STAB2: variants seen among roughly 807,000 people sequenced by gnomAD.
STAB2 encodes stabilin 2, also known as stabilin-2.
Under a neutral mutation model 338.1 loss-of-function variants are expected in STAB2, and 288 were observed. The observed-to-expected ratio is 0.85, with a 90% CI of 0.77 to 0.94. The LOEUF (loss-of-function observed/expected upper bound fraction) is 0.94. Among genes scored for constraint, STAB2 ranks in the 40% least tolerant of loss-of-function variants. The pLI is 0.00. For synonymous variants in STAB2, 1,202 were observed against 1,193.3 expected (o/e 1.01, Z -0.15); for missense variants, 3,141 against 3,210.1 (o/e 0.98, Z 0.52).
chr12:103,692,680 T>C, intron 30 of STAB2, 132 bp from the exon 31 acceptor site: 1 of 643,426 alleles, frequency 1.6e-6, no homozygotes, highest in Non-Finnish European at 2.7e-6. Context: ...GTTAAAGGTA[T>C]TTCTTACTGT....
intron 3 of STAB2, among the ~76,000 whole-genome samples, chr12:103,604,110 T>C (rs1956992237): frequency 6.6e-6 from 1 of 152,168 alleles, no homozygotes; most frequent in Non-Finnish European, 1.5e-5. Context: ...TTTCTGGAGA[T>C]ACTTTGGAAT....
At position 103,652,558 on chromosome 12, in the gene STAB2, A is replaced by G; in HGVS notation, c.1260A>G (p.Val420=). Residue 420 remains valine, a splice_region_variant and synonymous_variant, in exon 12 of 69, where the codon GTA becomes GTG. Coordinates refer to ENST00000388887, the MANE Select transcript of STAB2 (RefSeq NM_017564.10). ...TAAAATTGGCTCTTCTCTCTTAGGT[A>G]AATGAGCTTTTGGTGGATAATAAAG... ...PTDKGLKGFN[V]NELLVDNKAA... 6.4e-7 allele frequency: 1 copy of G among 1,570,062 alleles called. No homozygotes were observed. The highest frequency in any genetic ancestry group is 1.3e-5 in the South Asian group (1 of 79,784).
At chr12:103,717,704 C>T in intron 43 of STAB2, 66 bp from the exon 44 acceptor site, 2 of 1,416,918 alleles carry the variant, frequency 1.4e-6, no homozygotes, top group Non-Finnish European at 2.0e-6. Context: ...GGTCTGAGAG[C>T]CAGACCATGC....
Position 103,596,668 on chromosome 12 carries a change from C to G in STAB2, c.331+2158C>G, listed in dbSNP as rs991085421. On this transcript the variant is annotated intron_variant, in intron 3 of 68. Coordinates refer to ENST00000388887, the MANE Select transcript of STAB2 (RefSeq NM_017564.10). Reference sequence around the variant, plus strand: ...TGAATAAAATGACACTCCTCTGAACCCTTTTTTAACAGTGGGTAACTCTTA... The same window carrying G: ...TGAATAAAATGACACTCCTCTGAACGCTTTTTTAACAGTGGGTAACTCTTA... Among the ~76,000 whole-genome samples, 10 of 152,234 alleles carry G rather than the reference C, an allele frequency of 6.6e-5. No individual in the cohort carries two copies. The South Asian group carries it at 1.0e-3, about 16-fold the overall frequency.
chr12:103,688,914 C>T (rs1877673824), intron 28 of STAB2, among the ~76,000 whole-genome samples: 1 of 152,230 alleles, frequency 6.6e-6, no homozygotes, highest in Non-Finnish European at 1.5e-5. Context: ...TTTCCTAACT[C>T]CACTTTCGGT....
At chr12:103,692,595 C>T (rs1244376744) in intron 30 of STAB2, among the ~76,000 whole-genome samples, 1 of 149,582 alleles carries the variant, frequency 6.7e-6, no homozygotes, top group Admixed American at 6.7e-5. Context: ...CTCTCTCTGT[C>T]TCTGTGTGTG....
chr12:103,685,445 T>TGTGTGTGTGC (rs1555238694), intron 27 of STAB2, among the ~76,000 whole-genome samples: 1 of 145,742 alleles, frequency 6.9e-6, no homozygotes, highest in African/African-American at 2.7e-5. Context: ...TGTGTGTGTG[T>TGTGTGTGTGC]GTGTGTGTGC....
At chr12:103,683,764 A>T (rs1275403577) in intron 26 of STAB2, among the ~76,000 whole-genome samples, 4 of 152,216 alleles carry the variant, frequency 2.6e-5, no homozygotes, top group Admixed American at 2.6e-4. Context: ...GAAAATGCCC[A>T]TTCAAGGGTA....
At chr12:103,765,790 C>T (rs923841597) in intron 68 of STAB2, among the ~76,000 whole-genome samples, 3 of 152,216 alleles carry the variant, frequency 2.0e-5, no homozygotes, top group Non-Finnish European at 4.4e-5. Flanking sequence ...GATCCGCCTG[C>T]CTCAGCCTCC....
In STAB2 at chr12:103,673,999, C is replaced by G. The variant is rs763152610; in HGVS notation, c.2464C>G (p.Leu822Val). 3.7e-6 allele frequency: 6 copies of G among 1,614,018 alleles called. No homozygotes were observed. The highest frequency in any genetic ancestry group is 4.2e-6 in the Non-Finnish European group (5 of 1,180,042). Residue 822 changes from leucine (L) to valine (V), a missense_variant, in exon 23 of 69, where the codon CTC (leucine) becomes GTC (valine). Transcript: ENST00000388887. ...GTCRDGSAGR[L>V]CDKQTSACGP... Reference sequence around the variant, plus strand: ...ATGCAGAGACGGCTCTGCCGGGAGACTCTGTGATAAGCAGACCTCAGCCTG... The same window carrying G: ...ATGCAGAGACGGCTCTGCCGGGAGAGTCTGTGATAAGCAGACCTCAGCCTG...
At chr12:103,607,538 C>T (rs138241309) in intron 3 of STAB2, among the ~76,000 whole-genome samples, 2 of 148,892 alleles carry the variant, frequency 1.3e-5, no homozygotes, top group South Asian at 4.3e-4. Context: ...CCTCCCTCCT[C>T]CCCCCACCCC....
rs79023832 is a variant in STAB2, at chr12:103,728,615, C to T, written c.4936-234C>T. 1.0e-2 allele frequency among the ~76,000 whole-genome samples: 1,517 copies of T among 152,276 alleles called. 23 individuals carry two copies. Among genetic ancestry groups the T allele is most frequent in the African/African-American group, 0.035 (1,451 of 41,538 alleles). On this transcript the variant is annotated intron_variant, in intron 47 of 68. Transcript: ENST00000388887. ...ATTGTGAAATCCAGGCCAGAGGAAC[C>T]CCATGTTCCTTCCACACTGATATTC...
At chr12:103,750,833 G>T in intron 60 of STAB2, 113 bp downstream of exon 60, 1 of 1,389,640 alleles carries the variant, frequency 7.2e-7, no homozygotes, top group African/African-American at 1.4e-5. Flanking sequence ...GCTCAAGCCT[G>T]TAATCCCAAT....
rs148423720 is a variant in STAB2 at position 103,737,708 on chromosome 12, C to T, written c.5625C>T (p.Tyr1875=). The T allele has an allele frequency of 1.8e-4, 297 of 1,612,362 alleles. 5 individuals carry two copies. The South Asian group carries it at 2.9e-3, about 16-fold the overall frequency. Residue 1875 remains tyrosine (Y), a synonymous_variant, in exon 53 of 69, where the codon TAC becomes TAT. Transcript: ENST00000388887. ...RELLFDLGVA[Y]GIDCLLIDPT... ...TCTTGTTTGACCTGGGTGTGGCCTA[C>T]GGCATTGACTGTCTGCTGATTGATC...
chr12:103,639,620 C>T (rs1957605780), intron 8 of STAB2, among the ~76,000 whole-genome samples: 1 of 144,742 alleles, frequency 6.9e-6, no homozygotes, highest in South Asian at 2.2e-4. Flanking sequence ...GGGAGAATCA[C>T]ATGAGCCTGG....
In STAB2 at chr12:103,670,746, C is replaced by T; in HGVS notation, c.2310C>T (p.Phe770=). 1 of 1,614,154 alleles carries T rather than the reference C, an allele frequency of 6.2e-7. No homozygotes were observed. Among genetic ancestry groups the T allele is most frequent in the Non-Finnish European group, 8.5e-7 (1 of 1,180,012 alleles). Residue 770 remains phenylalanine, a synonymous_variant, in exon 22 of 69, where the codon TTC becomes TTT. Coordinates refer to ENST00000388887, the MANE Select transcript of STAB2 (RefSeq NM_017564.10). Reference sequence around the variant, plus strand: ...GGACATGCATTTGTGAGGAGGGCTTCCAAGGCTCCCAGTGTCAGTTCTGCT... The same window carrying T: ...GGACATGCATTTGTGAGGAGGGCTTTCAAGGCTCCCAGTGTCAGTTCTGCT... ...GNGTCICEEG[F]QGSQCQFCSD...
At chr12:103,607,084 G>T (rs564716529) in intron 3 of STAB2, among the ~76,000 whole-genome samples, 1 of 152,230 alleles carries the variant, frequency 6.6e-6, no homozygotes, top group Admixed American at 6.5e-5. Flanking sequence ...CCCTTTGGCT[G>T]CTTTTAATTT....
intron 19 of STAB2, 116 bp downstream of exon 19, chr12:103,666,469 A>C: frequency 9.3e-7 from 1 of 1,079,330 alleles, no homozygotes. Context: ...GGGTAATATA[A>C]GATGGGCTCG....
At chr12:103,610,104 G>A (rs1049308800) in intron 3 of STAB2, among the ~76,000 whole-genome samples, 11 of 151,854 alleles carry the variant, frequency 7.2e-5, no homozygotes, top group Non-Finnish European at 1.6e-4. Context: ...TTTTATTGAG[G>A]ATTTTTGCAT....
Sources: gnomAD v4.1 joint callset for allele counts (sites outside exome capture counted in the v4.1 genomes callset) on GRCh38, gnomAD v4.1.1 for gene constraint, MANE v1.5 for transcripts, NCBI Gene and HGNC (gene_info 2026-07-23, HGNC 2026-07-21) for gene names.